RRP15: variants seen among roughly 807,000 people sequenced by gnomAD.
The protein encoded by RRP15 is ribosomal RNA processing 15 homolog.
A neutral mutation model predicts 27.1 loss-of-function variants in RRP15; 18 were observed. The ratio of observed to expected loss-of-function variants is 0.66; its 90% confidence interval spans 0.46 to 0.98. RRP15 has a LOEUF of 0.98. Among genes scored for constraint, RRP15 ranks in the 50% least tolerant of loss-of-function variants. The pLI is 0.00. For synonymous variants in RRP15, 107 were observed against 109.4 expected (o/e 0.98, Z 0.14); for missense variants, 359 against 337.8 (o/e 1.06, Z -0.49).
chr1:218,304,625 A>G (rs116407293), intron 2 of RRP15, among the ~76,000 whole-genome samples: 3,305 of 152,332 alleles, frequency 0.022, 60 homozygotes, highest in Middle Eastern at 0.11. Context: ...CTGATGACTG[A>G]GGAAGTCATT....
At chr1:218,327,849 C>T (rs1656298086) in intron 4 of RRP15, among the ~76,000 whole-genome samples, 1 of 152,184 alleles carries the variant, frequency 6.6e-6, no homozygotes, top group South Asian at 2.1e-4. Flanking sequence ...AAATCTTTCC[C>T]TCTCAGCCAT....
intron 4 of RRP15, among the ~76,000 whole-genome samples, chr1:218,323,553 T>A (rs756101059): frequency 6.6e-6 from 1 of 152,124 alleles, no homozygotes; most frequent in African/African-American, 2.4e-5. Context: ...GGCAGCCCGG[T>A]CCCCAGGCTT....
chr1:218,312,958 T>A (rs544251668), intron 4 of RRP15, among the ~76,000 whole-genome samples: 9 of 152,328 alleles, frequency 5.9e-5, no homozygotes, highest in African/African-American at 1.9e-4. Flanking sequence ...GGCATTAGAT[T>A]TGAAGTGTCC....
rs760912648 is a variant in RRP15, at chr1:218,307,647, A to G, written c.705+15A>G. 1.1e-5 allele frequency: 17 copies of G among 1,581,396 alleles called. No homozygotes were observed. The East Asian group carries it at 1.6e-4, about 15-fold the overall frequency. On this transcript the variant is annotated intron_variant, in intron 4 of 4. Coordinates refer to ENST00000366932, the MANE Select transcript of RRP15 (RefSeq NM_016052.4). ...AAGCCAAACAGGTAAAAACTTTTCT[A>G]TAGGATTCAGTGTATCAGACTTTCA... is the stretch of plus-strand genomic sequence containing the variant.
chr1:218,297,754 G>A (rs1253656958), intron 1 of RRP15, among the ~76,000 whole-genome samples: 1 of 152,138 alleles, frequency 6.6e-6, no homozygotes, highest in Non-Finnish European at 1.5e-5. Context: ...AACTGTAATA[G>A]AGAATGTTTT....
intron 4 of RRP15, among the ~76,000 whole-genome samples, chr1:218,322,658 A>C (rs890333475): frequency 6.6e-6 from 1 of 152,068 alleles, no homozygotes. Context: ...CATAGCTCCT[A>C]TCTCAGGGGC....
chr1:218,304,961 A>C (rs1655873644), intron 2 of RRP15, 67 bp from the exon 3 acceptor site: 1 of 1,395,894 alleles, frequency 7.2e-7, no homozygotes, highest in Non-Finnish European at 1.0e-6. Flanking sequence ...ACAGAGTATC[A>C]TACCAATGTT....
At chr1:218,309,865 A>G (rs1297337876) in intron 4 of RRP15, among the ~76,000 whole-genome samples, 2 of 152,178 alleles carry the variant, frequency 1.3e-5, no homozygotes. Flanking sequence ...ACACGTTAAC[A>G]TTAGTTACAC....
chr1:218,292,066 G>A (rs1217724757), intron 1 of RRP15, among the ~76,000 whole-genome samples: 3 of 152,018 alleles, frequency 2.0e-5, no homozygotes, highest in Non-Finnish European at 4.4e-5. Context: ...AAACTCCTGG[G>A]GTCAAGTGAT....
chr1:218,289,210 T>G (rs1655596103), intron 1 of RRP15, among the ~76,000 whole-genome samples: 1 of 152,182 alleles, frequency 6.6e-6, no homozygotes, highest in African/African-American at 2.4e-5. Context: ...TTTGGTAATG[T>G]GGTATTTGTA....
intron 3 of RRP15, among the ~76,000 whole-genome samples, chr1:218,305,780 A>G (rs941860941): frequency 1.3e-5 from 2 of 152,022 alleles, no homozygotes; most frequent in Non-Finnish European, 2.9e-5. Context: ...AATTCTTGTT[A>G]CCTAAATTAT....
At chr1:218,318,817 C>T (rs1656131312) in intron 4 of RRP15, among the ~76,000 whole-genome samples, 1 of 151,466 alleles carries the variant, frequency 6.6e-6, no homozygotes, top group African/African-American at 2.4e-5. Context: ...AATAGTTTCA[C>T]AGGAGCAAGT....
At chr1:218,326,851 T>C (rs1207777107) in intron 4 of RRP15, among the ~76,000 whole-genome samples, 1 of 152,230 alleles carries the variant, frequency 6.6e-6, no homozygotes, top group Non-Finnish European at 1.5e-5. Context: ...TGGAATGGGA[T>C]GGGGAAGTAG....
intron 4 of RRP15, among the ~76,000 whole-genome samples, chr1:218,324,117 C>T (rs957882505): frequency 6.6e-6 from 1 of 152,198 alleles, no homozygotes; most frequent in African/African-American, 2.4e-5. Context: ...CAGCCTGCCC[C>T]TCCGTGCCTG....
intron 4 of RRP15, among the ~76,000 whole-genome samples, chr1:218,327,881 C>T (rs1359199169): frequency 6.6e-6 from 1 of 152,162 alleles, no homozygotes; most frequent in East Asian, 1.9e-4. Flanking sequence ...GGTCTTATAG[C>T]AGTGAACAAA....
intron 4 of RRP15, among the ~76,000 whole-genome samples, chr1:218,323,869 G>T (rs771453438): frequency 2.0e-5 from 3 of 152,282 alleles, no homozygotes; most frequent in African/African-American, 7.2e-5. Context: ...AGATCAGAGC[G>T]GGCACTGGGA....
intron 1 of RRP15, among the ~76,000 whole-genome samples, chr1:218,286,162 G>A (rs1204616341): frequency 6.6e-6 from 1 of 152,174 alleles, no homozygotes; most frequent in African/African-American, 2.4e-5. Flanking sequence ...AACAGACAGA[G>A]CTATTCTTTT....
chr1:218,305,404 T>C (rs1205751935), intron 3 of RRP15, among the ~76,000 whole-genome samples: 2 of 152,254 alleles, frequency 1.3e-5, no homozygotes, highest in African/African-American at 4.8e-5. Context: ...GCATTTCTCT[T>C]ATGATGCTTG....
At chr1:218,300,310 T>C (rs2102496829) in intron 1 of RRP15, among the ~76,000 whole-genome samples, 1 of 151,544 alleles carries the variant, frequency 6.6e-6, no homozygotes, top group South Asian at 2.1e-4. Context: ...AGTTAGTTTT[T>C]TGAAGATACT....
Sources: allele counts gnomAD v4.1 joint callset (sites outside exome capture counted in the v4.1 genomes callset), GRCh38; gene constraint gnomAD v4.1.1; transcripts MANE v1.5; gene names NCBI Gene and HGNC (gene_info 2026-07-23, HGNC 2026-07-21).